Variants in CAPZB observed in about 807,000 individuals in gnomAD.
The protein encoded by CAPZB is capping actin protein of muscle Z-line subunit beta, also known as F-actin-capping protein subunit beta.
CAPZB carries 2 observed loss-of-function variants against 38.1 expected under a neutral mutation model. The ratio of observed to expected loss-of-function variants is 0.05; its 90% CI spans 0.02 to 0.17. The LOEUF (loss-of-function observed/expected upper bound fraction) is 0.17. Among genes scored for constraint, CAPZB ranks in the 10% least tolerant of loss-of-function variants. The pLI, the probability that CAPZB is intolerant of heterozygous loss-of-function variation, is 1.00. For missense variants in CAPZB, 161 were observed against 334.2 expected, an observed-to-expected ratio of 0.48 and a Z score of 4.04; for synonymous variants, 107 against 127.4, an observed-to-expected ratio of 0.84 and a Z score of 1.08.
chr1:19,462,773 C>T (rs972096125), intron 1 of CAPZB, among the ~76,000 whole-genome samples: 5 of 152,240 alleles, frequency 3.3e-5, no homozygotes, highest in African/African-American at 1.2e-4. Flanking sequence ...AGTCAACATT[C>T]ATCAGCACCC....
intron 4 of CAPZB, among the ~76,000 whole-genome samples, chr1:19,371,481 T>TG (rs757396023): frequency 2.0e-5 from 3 of 152,094 alleles, no homozygotes; most frequent in Non-Finnish European, 4.4e-5. Flanking sequence ...GCCCACAGCA[T>TG]GGGTAAGGAA....
In CAPZB at chr1:19,422,396, C is replaced by T. The variant is rs533970687; in HGVS notation, c.4-2646G>A. On this transcript the variant is annotated intron_variant, in intron 1 of 8. Transcript: ENST00000264202. The stretch of plus-strand genomic sequence containing the variant: ...ATAATTGGTTTGGGGGCTGCAGATT[C>T]CCAGAATCTGATTGACAATAAAGTC... Among the ~76,000 whole-genome samples, 69 of 152,254 alleles carry T rather than the reference C, an allele frequency of 4.5e-4. 2 individuals carry two copies. The South Asian group carries it at 0.014, about 31-fold the overall frequency.
At chr1:19,345,048 C>T in intron 7 of CAPZB, 139 bp downstream of exon 7, 1 of 711,326 alleles carries the variant, frequency 1.4e-6, no homozygotes, top group Non-Finnish European at 2.4e-6. Flanking sequence ...GAGGCCAGGG[C>T]AAAATCCAAG....
intron 1 of CAPZB, among the ~76,000 whole-genome samples, chr1:19,461,083 C>T (rs1329716597): frequency 9.1e-6 from 1 of 109,464 alleles, no homozygotes. Flanking sequence ...TCTTATTCAC[C>T]CCTGGGCGGG....
intron 1 of CAPZB, among the ~76,000 whole-genome samples, chr1:19,431,872 T>C (rs2094442926): frequency 6.6e-6 from 1 of 150,994 alleles, no homozygotes; most frequent in Non-Finnish European, 1.5e-5. Context: ...ACCCCAGTAG[T>C]TCAAGACCAG....
intron 6 of CAPZB, among the ~76,000 whole-genome samples, chr1:19,350,755 C>T (rs1034630599): frequency 1.3e-5 from 2 of 152,028 alleles, no homozygotes; most frequent in Non-Finnish European, 2.9e-5. Flanking sequence ...GCTGGGACTA[C>T]AGGCACACTG....
At chr1:19,362,004 GA>G (rs2094055318) in intron 4 of CAPZB, among the ~76,000 whole-genome samples, 1 of 152,166 alleles carries the variant, frequency 6.6e-6, no homozygotes, top group African/African-American at 2.4e-5. Flanking sequence ...GGCTGCAGAG[GA>G]ATTAATCCGC....
At chr1:19,447,027 A>C (rs150359613) in intron 1 of CAPZB, among the ~76,000 whole-genome samples, 1 of 152,242 alleles carries the variant, frequency 6.6e-6, no homozygotes, top group East Asian at 1.9e-4. Context: ...ATTACTGAGT[A>C]TGTTTTCTCA....
At chr1:19,459,472 T>C (rs1213206550) in intron 1 of CAPZB, among the ~76,000 whole-genome samples, 1 of 152,192 alleles carries the variant, frequency 6.6e-6, no homozygotes, top group South Asian at 2.1e-4. Flanking sequence ...CCTGCTTTGA[T>C]TGATTTTTTT....
At chr1:19,461,740 G>A (rs1396939082) in intron 1 of CAPZB, among the ~76,000 whole-genome samples, 3 of 152,196 alleles carry the variant, frequency 2.0e-5, no homozygotes, top group Non-Finnish European at 4.4e-5. Context: ...TTGGAATGGG[G>A]CAAGCCTGAG....
chr1:19,480,408 G>A (rs1337560677), intron 1 of CAPZB, among the ~76,000 whole-genome samples: 3 of 152,224 alleles, frequency 2.0e-5, no homozygotes, highest in Non-Finnish European at 4.4e-5. Flanking sequence ...GTCACATGCT[G>A]AGTGGCAGAC....
chr1:19,467,294 A>AT (rs1234257786), intron 1 of CAPZB, among the ~76,000 whole-genome samples: 2 of 152,222 alleles, frequency 1.3e-5, no homozygotes, highest in East Asian at 3.8e-4. Flanking sequence ...CACTGGGCTC[A>AT]TTCCTGCAGT....
At chr1:19,449,168 G>A (rs1307775727) in intron 1 of CAPZB, 3 of 1,298,988 alleles carry the variant, frequency 2.3e-6, no homozygotes, top group South Asian at 2.0e-5. Context: ...AACGCACAAA[G>A]TGCACTGCGG....
At chr1:19,381,124 G>A (rs1183674836) in intron 3 of CAPZB, among the ~76,000 whole-genome samples, 4 of 151,972 alleles carry the variant, frequency 2.6e-5, no homozygotes, top group Non-Finnish European at 4.4e-5. Flanking sequence ...AGCTGAGATC[G>A]CGCCACTGCA....
Position 19,485,419 on chromosome 1 carries a change from G to A in CAPZB, c.3+17C>T. On this transcript the variant is annotated intron_variant, in intron 1 of 8. Transcript: ENST00000264202. ...GGAGGGGCCCCCGGGCCGGGGAGGGGGCCGTGCGGCCTTTACCATGGTGGC... is the reference window on the plus strand; with the variant it reads ...GGAGGGGCCCCCGGGCCGGGGAGGGAGCCGTGCGGCCTTTACCATGGTGGC... 1 of 1,229,094 alleles carries A rather than the reference G, an allele frequency of 8.1e-7. No homozygotes were observed. Among genetic ancestry groups the A allele is most frequent in the Non-Finnish European group, 1.0e-6 (1 of 986,114 alleles). The allele number at this position is 1,229,094 out of a possible 1,614,324, so 76.1% of individuals were successfully genotyped here. A position where few individuals can be genotyped will look rare whatever the true frequency, so the allele number is the denominator to read the frequency against.
At chr1:19,466,544 G>A (rs962192383) in intron 1 of CAPZB, among the ~76,000 whole-genome samples, 8 of 152,270 alleles carry the variant, frequency 5.3e-5, no homozygotes, top group Non-Finnish European at 1.2e-4. Context: ...CACTCAAAAC[G>A]TGTGAGCCTG....
At chr1:19,461,169 T>C (rs1030472752) in intron 1 of CAPZB, among the ~76,000 whole-genome samples, 70 of 152,032 alleles carry the variant, frequency 4.6e-4, no homozygotes, top group African/African-American at 1.6e-3. Flanking sequence ...TGTTAGTGGA[T>C]GGGAGAATGG....
chr1:19,442,069 A>G (rs1270495495), intron 1 of CAPZB, among the ~76,000 whole-genome samples: 9 of 151,144 alleles, frequency 6.0e-5, no homozygotes. Flanking sequence ...AGCATCAGTG[A>G]TAGCTCCAAA....
At position 19,346,817 on chromosome 1, in the gene CAPZB, C is replaced by CTT. The variant is rs34733600; in HGVS notation, c.589-1567_589-1566dup. ...GCGGCAGCACTGACCCGACTTTTGTCTTTTTTTTTTTTTTTTTTTTTTTGA... is the reference window on the plus strand; with the variant it reads ...GCGGCAGCACTGACCCGACTTTTGTCTTTTTTTTTTTTTTTTTTTTTTTTTGA... On this transcript the variant is annotated intron_variant, in intron 6 of 8. Transcript: ENST00000264202. Among the ~76,000 whole-genome samples, 796 of 84,034 alleles carry CTT rather than the reference C, an allele frequency of 9.5e-3. 7 individuals carry two copies. The highest frequency in any genetic ancestry group is 0.01 in the African/African-American group (230 of 22,374). 55.1% of individuals were successfully genotyped at this position (84,034 alleles called of 152,430 possible).
Sources: gnomAD v4.1 joint callset for allele counts (sites outside exome capture counted in the v4.1 genomes callset) on GRCh38, gnomAD v4.1.1 for gene constraint, MANE v1.5 for transcripts, NCBI Gene and HGNC (gene_info 2026-07-23, HGNC 2026-07-21) for gene names.